The following DENND1B variants were observed in gnomAD, a reference collection of about 807,000 sequenced individuals.
DENND1B encodes DENN domain containing 1B.
DENND1B carries 59 observed loss-of-function variants against 90.1 expected under a neutral mutation model. That is an observed-to-expected ratio of 0.65 (90% confidence interval 0.53 to 0.81). DENND1B has a LOEUF of 0.81. DENND1B is among the 40% of genes least tolerant of loss of function. DENND1B has a pLI of 0.00. For synonymous variants in DENND1B, 337 were observed against 324.6 expected, an observed-to-expected ratio of 1.04 and a Z score of -0.41; for missense variants, 862 against 912.6, an observed-to-expected ratio of 0.94 and a Z score of 0.71.
intron 3 of DENND1B, among the ~76,000 whole-genome samples, chr1:197,708,091 G>C (rs1255838050): frequency 1.5e-5 from 2 of 132,750 alleles, no homozygotes; most frequent in Non-Finnish European, 3.2e-5. Flanking sequence ...CCACGGAATC[G>C]CGCTGATTGC....
At chr1:197,651,038 T>A (rs189668055) in intron 7 of DENND1B, among the ~76,000 whole-genome samples, 76 of 152,126 alleles carry the variant, frequency 5.0e-4, no homozygotes, top group African/African-American at 1.8e-3. Context: ...ATTAATTAAT[T>A]TTTAAAAAGA....
intron 2 of DENND1B, among the ~76,000 whole-genome samples, chr1:197,722,777 A>G (rs1484596378): frequency 1.3e-5 from 2 of 152,196 alleles, no homozygotes; most frequent in Non-Finnish European, 2.9e-5. Context: ...GCAAAAATAG[A>G]GATCACACTT....
intron 14 of DENND1B, among the ~76,000 whole-genome samples, chr1:197,590,340 G>A (rs928088099): frequency 6.6e-6 from 1 of 151,990 alleles, no homozygotes; most frequent in Non-Finnish European, 1.5e-5. Context: ...CAGGCAGTAT[G>A]GTTACAGAGT....
rs150979445 is a variant in DENND1B at position 197,535,702 on chromosome 1, C to G, written c.1515+4262G>C. Among the ~76,000 whole-genome samples the G allele has an allele frequency of 2.0e-5, 3 of 152,290 alleles. No homozygotes were observed. In the East Asian group the frequency reaches 5.8e-4, roughly 29 times the overall value. On this transcript the variant is annotated intron_variant, in intron 20 of 22. Transcript: ENST00000620048. The stretch of plus-strand genomic sequence containing the variant: ...AACCACTTCTCTGAGAACTGCTTCC[C>G]CTGTTCACCCCACTCACCTCTACTG...
In DENND1B at chr1:197,734,304, T is replaced by C. The variant is rs1282265368; in HGVS notation, c.83-19230A>G. On this transcript the variant is annotated intron_variant, in intron 2 of 22. Transcript: ENST00000620048. ...TAAAAAGTTAAACACATTAGATAAA[T>C]TTAAATTCAGTCATATGATGGTAGT... 3 of 948,314 alleles carry C rather than the reference T, an allele frequency of 3.2e-6. No homozygotes were observed. In the African/African-American group the frequency reaches 5.3e-5, roughly 17 times the overall value. The allele number at this position is 948,314 out of a possible 1,614,324, so 58.7% of individuals were successfully genotyped here. A position where few individuals can be genotyped will look rare whatever the true frequency, so the allele number is the denominator to read the frequency against.
chr1:197,707,023 CA>C (rs1322924410), intron 3 of DENND1B, among the ~76,000 whole-genome samples: 1 of 151,814 alleles, frequency 6.6e-6, no homozygotes, highest in Admixed American at 6.6e-5. Context: ...TGTCCATAAA[CA>C]AATGAATGGA....
chr1:197,742,168 G>T (rs979218421), intron 2 of DENND1B, among the ~76,000 whole-genome samples: 20 of 152,012 alleles, frequency 1.3e-4, no homozygotes, highest in African/African-American at 4.8e-4. Flanking sequence ...CAAAAACTCA[G>T]TTCATAAAAT....
chr1:197,643,041 G>A (rs1680410290), intron 9 of DENND1B, among the ~76,000 whole-genome samples: 1 of 152,158 alleles, frequency 6.6e-6, no homozygotes, highest in South Asian at 2.1e-4. Context: ...AGTATTTGCA[G>A]AGGATGATCA....
intron 11 of DENND1B, 140 bp from the exon 12 acceptor site, chr1:197,612,116 A>G (rs1677236089): frequency 3.8e-6 from 2 of 531,944 alleles, no homozygotes; most frequent in South Asian, 9.9e-5. Flanking sequence ...ATTCAAAATT[A>G]TTCAATATAT....
chr1:197,617,827 T>C (rs946655668), intron 10 of DENND1B, 68 bp from the exon 11 acceptor site: 12 of 1,038,544 alleles, frequency 1.2e-5, no homozygotes, highest in African/African-American at 1.6e-5. Context: ...CAATGTTCAA[T>C]GTATCAACAA....
chr1:197,762,099 G>C (rs1347061421), intron 2 of DENND1B: 2 of 151,866 alleles, frequency 1.3e-5, no homozygotes, highest in Admixed American at 6.6e-5. Context: ...AGTAATCATT[G>C]AACACCATTC....
intron 3 of DENND1B, 103 bp downstream of exon 3, chr1:197,714,928 A>C (rs1235035635): frequency 1.2e-6 from 1 of 815,660 alleles, no homozygotes; most frequent in South Asian, 1.6e-5. Context: ...TAATTTTAGC[A>C]ATCCATGTTC....
chr1:197,647,825 G>GT (rs1680864804), intron 7 of DENND1B, among the ~76,000 whole-genome samples: 1 of 151,710 alleles, frequency 6.6e-6, no homozygotes, highest in African/African-American at 2.4e-5. Context: ...GTGGGCGCCT[G>GT]TAATTCCAGC....
At chr1:197,570,910 T>C (rs1673092089) in intron 15 of DENND1B, among the ~76,000 whole-genome samples, 1 of 152,148 alleles carries the variant, frequency 6.6e-6, no homozygotes, top group Admixed American at 6.5e-5. Flanking sequence ...TCATAAATGG[T>C]CCCAGTATTA....
intron 13 of DENND1B, among the ~76,000 whole-genome samples, chr1:197,604,107 C>A (rs1301347896): frequency 6.6e-6 from 1 of 151,176 alleles, no homozygotes; most frequent in South Asian, 2.1e-4. Flanking sequence ...ACAAAAACTA[C>A]AAGAGTATAT....
At chr1:197,649,119 A>G (rs1652819555) in intron 7 of DENND1B, among the ~76,000 whole-genome samples, 1 of 152,226 alleles carries the variant, frequency 6.6e-6, no homozygotes, top group Admixed American at 6.5e-5. Context: ...CATAGTCAAC[A>G]AAGAGGCTTT....
Position 197,512,900 on chromosome 1 carries a change from T to TTCA in DENND1B, c.1566_1568dup (p.Asp522dup). ...TTGCTCTTTCAATGTCATCATCATC[T>TTCA]TCATCATCATATAGAGCACCATCAA... On this transcript the variant is annotated inframe_insertion, in exon 21 of 23. Coordinates refer to ENST00000620048, the MANE Select transcript of DENND1B (RefSeq NM_001195215.2). 3.7e-6 allele frequency: 6 copies of TTCA among 1,610,716 alleles called. No individual in the cohort carries two copies. Among genetic ancestry groups the TTCA allele is most frequent in the South Asian group, 1.1e-5 (1 of 90,918 alleles).
At chr1:197,544,792 AGAG>A (rs896269043) in intron 18 of DENND1B, among the ~76,000 whole-genome samples, 9 of 144,102 alleles carry the variant, frequency 6.2e-5, no homozygotes, top group African/African-American at 2.3e-4. Context: ...AAGAAGAAGA[AGAG>A]GAGGAAGAAG....
At chr1:197,713,852 TTATAA>T (rs1434231478) in intron 3 of DENND1B, among the ~76,000 whole-genome samples, 3 of 6,768 alleles carry the variant, frequency 4.4e-4, no homozygotes, top group Non-Finnish European at 7.0e-4. Context: ...TATTATATTA[TTATAA>T]TATATTATAT....
Sources: allele counts gnomAD v4.1 joint callset (sites outside exome capture counted in the v4.1 genomes callset), GRCh38; gene constraint gnomAD v4.1.1; transcripts MANE v1.5; gene names NCBI Gene and HGNC (gene_info 2026-07-23, HGNC 2026-07-21).